The following ADAMTSL3 variants were observed in gnomAD, a reference collection of about 807,000 sequenced individuals.
ADAMTSL3 encodes ADAMTS like 3.
A neutral mutation model predicts 201.7 loss-of-function variants in ADAMTSL3; 128 were observed. The observed-to-expected ratio is 0.63, with a 90% CI of 0.55 to 0.73. ADAMTSL3 has a LOEUF of 0.73. ADAMTSL3 is among the 30% of genes least tolerant of loss of function. The pLI is 0.00. For synonymous variants in ADAMTSL3, 738 were observed against 748.4 expected, an observed-to-expected ratio of 0.99 and a Z score of 0.23; for missense variants, 1,990 against 2,119.6, an observed-to-expected ratio of 0.94 and a Z score of 1.20.
At position 84,021,412 on chromosome 15, in the gene ADAMTSL3, C is replaced by T. The variant is rs539013522; in HGVS notation, c.4276C>T (p.Pro1426Ser). The change falls in exon 26 of 30, where the codon CCT becomes TCT. Residue 1426 changes from proline to serine, a missense_variant and splice_region_variant. Physicochemically the swap from Pro to Ser is moderately conservative, Grantham distance 74 (BLOSUM62 -1). Transcript: ENST00000286744. ...GATATTTTGTTTTCTTTCTGCAGAGCCTTTTTGGGAGCCTGGTAACTGGTC... is the reference window on the plus strand; with the variant it reads ...GATATTTTGTTTTCTTTCTGCAGAGTCTTTTTGGGAGCCTGGTAACTGGTC... The part of the protein sequence containing the change: ...DPTGEPPPQE[P>S]FWEPGNWSHC... The T allele has an allele frequency of 1.4e-5, 23 of 1,613,918 alleles. No individual in the cohort carries two copies. The highest frequency in any genetic ancestry group is 1.9e-5 in the Non-Finnish European group (23 of 1,179,986).
chr15:83,836,274 A>G lies in ADAMTSL3; in HGVS notation c.601-1815A>G, dbSNP rs189988437. 2.6e-3 allele frequency among the ~76,000 whole-genome samples: 402 copies of G among 152,334 alleles called. 4 individuals are homozygous for G. Among genetic ancestry groups the G allele is most frequent in the African/African-American group, 8.8e-3 (365 of 41,584 alleles). On this transcript the variant is annotated intron_variant, in intron 6 of 29. Coordinates refer to ENST00000286744, the MANE Select transcript of ADAMTSL3 (RefSeq NM_207517.3). The stretch of plus-strand genomic sequence containing the variant: ...ATTATTAGATAACTCTGACTTTTCA[A>G]ACTTTCTCATATTGAACCAAATTAT...
chr15:84,022,976 C>T (rs2068233435), intron 26 of ADAMTSL3, among the ~76,000 whole-genome samples: 3 of 152,180 alleles, frequency 2.0e-5, no homozygotes, highest in Non-Finnish European at 2.9e-5. Flanking sequence ...CATCCCTGAA[C>T]TTAGCCCTCC....
chr15:83,754,778 T>G (rs2062692334), intron 3 of ADAMTSL3, among the ~76,000 whole-genome samples: 1 of 152,186 alleles, frequency 6.6e-6, no homozygotes, highest in Non-Finnish European at 1.5e-5. Flanking sequence ...GAAATAAAAC[T>G]GAAGGATTTG....
In ADAMTSL3 at chr15:83,902,491, C is replaced by T. The variant is rs144814040; in HGVS notation, c.1700+2760C>T. 3.7e-3 allele frequency among the ~76,000 whole-genome samples: 560 copies of T among 152,218 alleles called. 3 individuals carry two copies. The highest frequency in any genetic ancestry group is 0.013 in the African/African-American group (528 of 41,516). ...TTCACCATGTTAGCCAGGATGGTCT[C>T]GATCTCCTGAGCTCGTGATCCACCC... On this transcript the variant is annotated intron_variant, in intron 15 of 29. Coordinates refer to ENST00000286744, the MANE Select transcript of ADAMTSL3 (RefSeq NM_207517.3).
At chr15:83,926,875 C>A (rs1263826266) in intron 17 of ADAMTSL3, among the ~76,000 whole-genome samples, 1 of 152,138 alleles carries the variant, frequency 6.6e-6, no homozygotes, top group Non-Finnish European at 1.5e-5. Flanking sequence ...CCTCGGCCTC[C>A]CAAAATGTTG....
intron 3 of ADAMTSL3, among the ~76,000 whole-genome samples, chr15:83,763,740 C>T (rs566778045): frequency 6.6e-5 from 10 of 152,252 alleles, no homozygotes; most frequent in Admixed American, 2.6e-4. Flanking sequence ...CTCCTGACCT[C>T]GTGATCCGCC....
In ADAMTSL3 at chr15:83,996,780, C is replaced by CAAA. The variant is rs35758954; in HGVS notation, c.3973+5591_3973+5593dup. On this transcript the variant is annotated intron_variant, in intron 23 of 29. Coordinates refer to ENST00000286744, the MANE Select transcript of ADAMTSL3 (RefSeq NM_207517.3). ...TGGGCAACAGAGCGAGACTCTGCCT[C>CAAA]AAAAAAAAAAAAAAAAAAAAAAAAA... Among the ~76,000 whole-genome samples the CAAA allele has an allele frequency of 1.8e-3, 60 of 33,832 alleles. 4 individuals carry two copies. Among genetic ancestry groups the CAAA allele is most frequent in the African/African-American group, 4.6e-3 (36 of 7,748 alleles). The allele number at this position is 33,832 out of a possible 152,430, so 22.2% of individuals were successfully genotyped here.
At chr15:83,913,730 A>G (rs2065977762) in intron 16 of ADAMTSL3, among the ~76,000 whole-genome samples, 1 of 152,216 alleles carries the variant, frequency 6.6e-6, no homozygotes, top group Admixed American at 6.5e-5. Context: ...TGGAATTGCA[A>G]TATCTGATGC....
chr15:83,749,344 T>C (rs2062601388), intron 3 of ADAMTSL3, among the ~76,000 whole-genome samples: 1 of 152,104 alleles, frequency 6.6e-6, no homozygotes, highest in Non-Finnish European at 1.5e-5. Flanking sequence ...AAAAGACTGA[T>C]GGCTAAAGGC....
intron 2 of ADAMTSL3, among the ~76,000 whole-genome samples, chr15:83,689,807 A>G (rs535857456): frequency 2.6e-5 from 4 of 152,174 alleles, no homozygotes; most frequent in South Asian, 2.1e-4. Context: ...TTCTTTTACT[A>G]TTCTTTGAAA....
chr15:83,801,490 A>G (rs962748540), intron 4 of ADAMTSL3, among the ~76,000 whole-genome samples: 3 of 151,234 alleles, frequency 2.0e-5, no homozygotes, highest in Non-Finnish European at 4.4e-5. Flanking sequence ...GCAAAGGAAA[A>G]AGAGTGGAAG....
intron 7 of ADAMTSL3, among the ~76,000 whole-genome samples, chr15:83,851,185 C>A (rs906935849): frequency 6.6e-6 from 1 of 152,126 alleles, no homozygotes; most frequent in African/African-American, 2.4e-5. Flanking sequence ...ATGTATGAAA[C>A]TTTAGTGGAG....
At chr15:83,822,527 C>G (rs1219038308) in intron 6 of ADAMTSL3, among the ~76,000 whole-genome samples, 1 of 139,686 alleles carries the variant, frequency 7.2e-6, no homozygotes, top group African/African-American at 3.0e-5. Flanking sequence ...GGGTTGCGGC[C>G]GGGTAGAGGC....
chr15:83,945,368 G>A (rs186593941), intron 19 of ADAMTSL3, among the ~76,000 whole-genome samples: 3 of 152,194 alleles, frequency 2.0e-5, no homozygotes, highest in Non-Finnish European at 2.9e-5. Context: ...GGGAAGGACA[G>A]GTAGAAGGTC....
At chr15:83,706,784 G>A (rs1212735287) in intron 3 of ADAMTSL3, among the ~76,000 whole-genome samples, 1 of 136,034 alleles carries the variant, frequency 7.4e-6, no homozygotes, top group East Asian at 2.2e-4. Context: ...CCCACCCCAG[G>A]TAGCTGGGAT....
chr15:83,832,264 A>AG (rs150429705), intron 6 of ADAMTSL3, among the ~76,000 whole-genome samples: 5,145 of 152,120 alleles, frequency 0.034, 289 homozygotes, highest in African/African-American at 0.12. Context: ...ACTACTCGCC[A>AG]CCCCCTGTTC....
At chr15:83,920,189 A>G (rs567127576) in intron 16 of ADAMTSL3, among the ~76,000 whole-genome samples, 3 of 152,316 alleles carry the variant, frequency 2.0e-5, no homozygotes, top group East Asian at 3.9e-4. Context: ...TTGGCCCACT[A>G]TGGGCTCATT....
chr15:83,983,249 G>C lies in ADAMTSL3; in HGVS notation c.3621G>C (p.Arg1207Ser). The part of the protein sequence containing the change: ...RIGNTVYITK[R>S]TEVINILCDL... Reference sequence around the variant, plus strand: ...GAAATACAGTATACATTACAAAAAGGACAGAGGTCATCAATATACTGTGTG... The same window carrying C: ...GAAATACAGTATACATTACAAAAAGCACAGAGGTCATCAATATACTGTGTG... The change falls in exon 21 of 30, where the codon AGG becomes AGC. Residue 1207 changes from arginine to serine, a missense_variant. By Grantham distance (110) the Arg-to-Ser change is moderately radical. Coordinates refer to ENST00000286744, the MANE Select transcript of ADAMTSL3 (RefSeq NM_207517.3). 1.2e-6 allele frequency: 2 copies of C among 1,613,638 alleles called. No individual in the cohort carries two copies. The highest frequency in any genetic ancestry group is 2.2e-5 in the South Asian group (2 of 90,942).
chr15:83,933,434 A>G (rs1904866), intron 17 of ADAMTSL3, among the ~76,000 whole-genome samples: 52,712 of 152,068 alleles, frequency 0.35, 9,902 homozygotes, highest in Admixed American at 0.46. Context: ...TGCCTTAAAA[A>G]GCATTTAGTT....
Sources: allele counts gnomAD v4.1 joint callset (sites outside exome capture counted in the v4.1 genomes callset), GRCh38; gene constraint gnomAD v4.1.1; transcripts MANE v1.5; gene names NCBI Gene and HGNC (gene_info 2026-07-23, HGNC 2026-07-21).